Variants in TMCC1 observed in about 807,000 individuals in gnomAD.
TMCC1 encodes transmembrane and coiled-coil domains protein 1.
A neutral mutation model predicts 52.4 loss-of-function variants in TMCC1; 15 were observed. The observed-to-expected ratio is 0.29, with a 90% CI of 0.19 to 0.44. The LOEUF is 0.44. TMCC1 is among the 20% of genes least tolerant of loss of function. TMCC1 has a pLI of 1.00. For synonymous variants in TMCC1, 279 were observed against 301.9 expected (o/e 0.92, Z 0.79); for missense variants, 503 against 806.0 (o/e 0.62, Z 4.55).
chr3:129,695,096 CA>C (rs11291309), intron 4 of TMCC1, among the ~76,000 whole-genome samples: 3,201 of 34,536 alleles, frequency 0.093, 7 homozygotes, highest in East Asian at 0.28. Flanking sequence ...GACTCTGTCT[CA>C]AAAAAAAAAA....
chr3:129,751,891 T>A (rs1486740929), intron 4 of TMCC1, among the ~76,000 whole-genome samples: 1 of 152,156 alleles, frequency 6.6e-6, no homozygotes, highest in Non-Finnish European at 1.5e-5. Context: ...TCAACATTCA[T>A]ACTGAATTAT....
chr3:129,764,851 G>C (rs1242265892), intron 4 of TMCC1, among the ~76,000 whole-genome samples: 1 of 132,622 alleles, frequency 7.5e-6, no homozygotes, highest in East Asian at 2.4e-4. Context: ...ACCCAGGCTA[G>C]AGTGTAGTGG....
chr3:129,739,522 A>G (rs905985426), intron 4 of TMCC1, among the ~76,000 whole-genome samples: 1 of 152,214 alleles, frequency 6.6e-6, no homozygotes, highest in Non-Finnish European at 1.5e-5. Context: ...ATCATAGTTC[A>G]GTGAATGAGT....
intron 4 of TMCC1, among the ~76,000 whole-genome samples, chr3:129,714,285 T>C (rs890678122): frequency 4.6e-5 from 7 of 152,212 alleles, no homozygotes; most frequent in African/African-American, 1.7e-4. Context: ...TGTATATATT[T>C]TGCACTTTGA....
intron 4 of TMCC1, among the ~76,000 whole-genome samples, chr3:129,791,676 A>G (rs2107750186): frequency 6.6e-6 from 1 of 152,342 alleles, no homozygotes; most frequent in Middle Eastern, 3.4e-3. Context: ...AGTCACATGT[A>G]AGATAACTAT....
chr3:129,664,123 C>T (rs2087260986), intron 5 of TMCC1, among the ~76,000 whole-genome samples: 1 of 152,124 alleles, frequency 6.6e-6, no homozygotes, highest in South Asian at 2.1e-4. Context: ...GTCATATTTC[C>T]TAATTGGGAT....
At chr3:129,689,375 T>C (rs1215607691) in intron 4 of TMCC1, among the ~76,000 whole-genome samples, 1 of 152,230 alleles carries the variant, frequency 6.6e-6, no homozygotes, top group Admixed American at 6.5e-5. Context: ...CTGAACCTTA[T>C]TCCTTTATTT....
chr3:129,662,599 C>T (rs186819962), intron 5 of TMCC1, among the ~76,000 whole-genome samples: 11 of 152,252 alleles, frequency 7.2e-5, no homozygotes, highest in Admixed American at 7.2e-4. Context: ...GACTGTACCA[C>T]TGCACTCCAG....
intron 4 of TMCC1, among the ~76,000 whole-genome samples, chr3:129,720,723 C>G (rs1009715254): frequency 6.6e-6 from 1 of 152,074 alleles, no homozygotes; most frequent in Admixed American, 6.6e-5. Context: ...TTAAGACAGT[C>G]TCACTCTGTC....
intron 4 of TMCC1, among the ~76,000 whole-genome samples, chr3:129,803,777 T>C (rs952087921): frequency 3.3e-5 from 5 of 152,068 alleles, no homozygotes; most frequent in African/African-American, 4.8e-5. Flanking sequence ...TTTAATACCT[T>C]ATTACTCATA....
chr3:129,838,422 A>G (rs1483459551), intron 2 of TMCC1, among the ~76,000 whole-genome samples: 1 of 151,894 alleles, frequency 6.6e-6, no homozygotes, highest in East Asian at 1.9e-4. Flanking sequence ...AAATAAAAGA[A>G]AAAGAAAAAA....
intron 2 of TMCC1, among the ~76,000 whole-genome samples, chr3:129,860,632 C>T (rs1249612498): frequency 6.6e-6 from 1 of 151,314 alleles, no homozygotes; most frequent in Non-Finnish European, 1.5e-5. Context: ...TGGAGTCTCG[C>T]CCTGTCACCC....
At chr3:129,704,625 G>T (rs931795885) in intron 4 of TMCC1, among the ~76,000 whole-genome samples, 4 of 152,088 alleles carry the variant, frequency 2.6e-5, no homozygotes, top group African/African-American at 9.7e-5. Flanking sequence ...CACCATGTTG[G>T]CCAGGCTGGT....
At chr3:129,746,989 G>C (rs2052037140) in intron 4 of TMCC1, among the ~76,000 whole-genome samples, 1 of 152,156 alleles carries the variant, frequency 6.6e-6, no homozygotes, top group Non-Finnish European at 1.5e-5. Context: ...TTGTATCATT[G>C]TTGGGAGAAT....
chr3:129,863,353 A>C (rs1354850695), intron 2 of TMCC1, among the ~76,000 whole-genome samples: 1 of 152,188 alleles, frequency 6.6e-6, no homozygotes, highest in African/African-American at 2.4e-5. Flanking sequence ...TTCTTTTAAT[A>C]AAAGGAATCA....
chr3:129,849,932 A>T (rs2059841816), intron 2 of TMCC1, among the ~76,000 whole-genome samples: 1 of 151,832 alleles, frequency 6.6e-6, no homozygotes, highest in Admixed American at 6.6e-5. Flanking sequence ...ATAATTTTTT[A>T]AAAACTTTTA....
intron 2 of TMCC1, among the ~76,000 whole-genome samples, chr3:129,859,651 T>TACACACACACACAC (rs59213877): frequency 3.4e-5 from 5 of 148,692 alleles, no homozygotes; most frequent in African/African-American, 1.2e-4. Flanking sequence ...CACACACACA[T>TACACACACACACAC]ACACACACAC....
intron 4 of TMCC1, among the ~76,000 whole-genome samples, chr3:129,796,759 T>G (rs184394006): frequency 6.6e-6 from 1 of 152,218 alleles, no homozygotes; most frequent in Admixed American, 6.5e-5. Context: ...CAGGATTGCC[T>G]GAGTTCAGGA....
At chr3:129,720,405 T>G (rs775559996) in intron 4 of TMCC1, among the ~76,000 whole-genome samples, 40 of 152,300 alleles carry the variant, frequency 2.6e-4, no homozygotes, top group Non-Finnish European at 4.0e-4. Context: ...TCTCAGTTAT[T>G]GACAACCTCA....
Sources: gnomAD v4.1 joint callset for allele counts (sites outside exome capture counted in the v4.1 genomes callset) on GRCh38, gnomAD v4.1.1 for gene constraint, MANE v1.5 for transcripts, NCBI Gene and HGNC (gene_info 2026-07-23, HGNC 2026-07-21) for gene names.